Variants in SLC9A9 observed in about 807,000 individuals in gnomAD.
SLC9A9 encodes sodium/hydrogen exchanger 9.
A neutral mutation model predicts 77.8 loss-of-function variants in SLC9A9; 62 were observed. That is an observed-to-expected ratio of 0.80 (90% confidence interval 0.65 to 0.98). SLC9A9 has a LOEUF of 0.98. Among genes scored for constraint, SLC9A9 ranks in the 50% least tolerant of loss-of-function variants. SLC9A9 has a pLI of 0.00. For synonymous variants in SLC9A9, 320 were observed against 283.5 expected (o/e 1.13, Z -1.29); for missense variants, 775 against 774.9 (o/e 1.00, Z 0.00).
Position 143,415,302 on chromosome 3 carries a change from G to A in SLC9A9, c.1470-33188C>T, listed in dbSNP as rs116640655. On this transcript the variant is annotated intron_variant, in intron 12 of 15. Transcript: ENST00000316549. ...AACAGATTGTCAATGTAGACAAAAC[G>A]GTCTTACGTTGGAAAAAGATGCCAT... Among the ~76,000 whole-genome samples, 532 of 152,288 alleles carry A rather than the reference G, an allele frequency of 3.5e-3. 5 individuals carry two copies. The highest frequency in any genetic ancestry group is 0.012 in the African/African-American group (502 of 41,562).
In SLC9A9 at chr3:143,801,331, A is replaced by G. The variant is rs538079251; in HGVS notation, c.379-4428T>C. Among the ~76,000 whole-genome samples the G allele has an allele frequency of 7.9e-5, 12 of 152,300 alleles. No individual in the cohort carries two copies. The East Asian group carries it at 1.5e-3, about 20-fold the overall frequency. ...CCATGCAGCGGCTGCCACTGCCCTA[A>G]TACTTTTAGAGGCCCTTAAAATCAC... On this transcript the variant is annotated intron_variant, in intron 2 of 15. Coordinates refer to ENST00000316549, the MANE Select transcript of SLC9A9 (RefSeq NM_173653.4).
intron 5 of SLC9A9, among the ~76,000 whole-genome samples, chr3:143,692,366 A>G (rs1228204313): frequency 1.3e-5 from 2 of 152,162 alleles, no homozygotes; most frequent in African/African-American, 4.8e-5. Context: ...AATATTAAAG[A>G]ATGATTGTTT....
intron 5 of SLC9A9, among the ~76,000 whole-genome samples, chr3:143,689,119 CA>C (rs144398181): frequency 0.045 from 6,774 of 152,048 alleles, 198 homozygotes; most frequent in East Asian, 0.11. Flanking sequence ...ACTGCATTGA[CA>C]AGACTGTGAA....
At chr3:143,762,601 A>C (rs762782107) in intron 4 of SLC9A9, among the ~76,000 whole-genome samples, 3 of 152,136 alleles carry the variant, frequency 2.0e-5, no homozygotes, top group Non-Finnish European at 4.4e-5. Flanking sequence ...TTTGAGGGAG[A>C]CAGAGGCAAT....
rs563583555 is a variant in SLC9A9, at chr3:143,842,108, C to T, written c.175+6040G>A. The stretch of plus-strand genomic sequence containing the variant: ...AAACATACAGAGTGCAGGCCGGGCG[C>T]GGTGGCTCACGCCTGTAATCCCAGC... On this transcript the variant is annotated intron_variant, in intron 1 of 15. Coordinates refer to ENST00000316549, the MANE Select transcript of SLC9A9 (RefSeq NM_173653.4). Among the ~76,000 whole-genome samples the T allele has an allele frequency of 4.0e-5, 6 of 150,980 alleles. No homozygotes were observed. In the East Asian group the frequency reaches 1.0e-3, roughly 26 times the overall value.
chr3:143,533,624 C>G (rs1373217350), intron 9 of SLC9A9, among the ~76,000 whole-genome samples: 1 of 152,016 alleles, frequency 6.6e-6, no homozygotes, highest in Non-Finnish European at 1.5e-5. Context: ...ATAAAAAAAC[C>G]CTACATCTTT....
chr3:143,797,688 C>T (rs1022144664), intron 2 of SLC9A9, among the ~76,000 whole-genome samples: 1 of 152,072 alleles, frequency 6.6e-6, no homozygotes, highest in Non-Finnish European at 1.5e-5. Context: ...TTGTGAAATT[C>T]CTTCTCCTGG....
chr3:143,738,665 A>C (rs971190313), intron 4 of SLC9A9, among the ~76,000 whole-genome samples: 3 of 152,150 alleles, frequency 2.0e-5, no homozygotes, highest in African/African-American at 7.2e-5. Context: ...GACTGCCTCC[A>C]TTATAGATGC....
At chr3:143,295,611 CT>C (rs1383222792) in intron 14 of SLC9A9, among the ~76,000 whole-genome samples, 2 of 152,190 alleles carry the variant, frequency 1.3e-5, no homozygotes, top group African/African-American at 2.4e-5. Context: ...AAGGTTGCCC[CT>C]ATCACGAACC....
rs1303593768 is a variant in SLC9A9 at position 143,832,010 on chromosome 3, G to T, written c.378+9C>A. Reference sequence around the variant, plus strand: ...AAAACAAATATATAATACCAGACAGGATCCTTACCTTTTCAAGTATAGCAT... The same window carrying T: ...AAAACAAATATATAATACCAGACAGTATCCTTACCTTTTCAAGTATAGCAT... On this transcript the variant is annotated intron_variant, in intron 2 of 15. Coordinates refer to ENST00000316549, the MANE Select transcript of SLC9A9 (RefSeq NM_173653.4). 23 of 1,607,610 alleles carry T rather than the reference G, an allele frequency of 1.4e-5. No homozygotes were observed. Among genetic ancestry groups the T allele is most frequent in the Non-Finnish European group, 1.9e-5 (22 of 1,175,724 alleles).
chr3:143,412,761 C>T (rs550151697), intron 12 of SLC9A9, among the ~76,000 whole-genome samples: 5 of 152,320 alleles, frequency 3.3e-5, no homozygotes, highest in South Asian at 2.1e-4. Context: ...ATTTTCTGTG[C>T]AACCGTCTCC....
chr3:143,352,240 A>G (rs999006136), intron 14 of SLC9A9, among the ~76,000 whole-genome samples: 1 of 152,236 alleles, frequency 6.6e-6, no homozygotes, highest in East Asian at 1.9e-4. Context: ...GGATGTGGGA[A>G]GAAGTGTTTG....
intron 6 of SLC9A9, among the ~76,000 whole-genome samples, chr3:143,622,359 C>A (rs1407654528): frequency 6.6e-6 from 1 of 152,102 alleles, no homozygotes; most frequent in Non-Finnish European, 1.5e-5. Context: ...TAAGGGCAGC[C>A]AGAGAGAAAG....
At chr3:143,723,563 C>A (rs951438782) in intron 4 of SLC9A9, among the ~76,000 whole-genome samples, 10 of 152,148 alleles carry the variant, frequency 6.6e-5, no homozygotes, top group African/African-American at 2.2e-4. Context: ...GGTTGTTTGC[C>A]CTATCGAAAA....
intron 4 of SLC9A9, among the ~76,000 whole-genome samples, chr3:143,719,635 C>T (rs1400260305): frequency 1.3e-5 from 2 of 152,116 alleles, no homozygotes; most frequent in African/African-American, 4.8e-5. Flanking sequence ...ATCTTCAACG[C>T]CTAGGTCAGT....
At chr3:143,482,305 CA>C (rs1336196018) in intron 11 of SLC9A9, among the ~76,000 whole-genome samples, 11 of 152,188 alleles carry the variant, frequency 7.2e-5, no homozygotes, top group Admixed American at 6.5e-5. Flanking sequence ...ACATTAATAG[CA>C]CAGCTTGGCA....
intron 14 of SLC9A9, among the ~76,000 whole-genome samples, chr3:143,292,995 G>C (rs1029736799): frequency 6.6e-6 from 1 of 152,196 alleles, no homozygotes; most frequent in African/African-American, 2.4e-5. Flanking sequence ...TTGGGGCAGG[G>C]CAGTAAGGAG....
chr3:143,290,614 AC>A (rs1356523423), intron 14 of SLC9A9, among the ~76,000 whole-genome samples: 2 of 152,094 alleles, frequency 1.3e-5, no homozygotes, highest in Non-Finnish European at 2.9e-5. Context: ...CCTTGCTAAC[AC>A]CCCCCAAATT....
At chr3:143,783,609 G>A (rs753534434) in intron 4 of SLC9A9, among the ~76,000 whole-genome samples, 1 of 152,100 alleles carries the variant, frequency 6.6e-6, no homozygotes. Flanking sequence ...TAACATGGAT[G>A]AATGTTATAA....
Sources: gnomAD v4.1 joint callset for allele counts (sites outside exome capture counted in the v4.1 genomes callset) on GRCh38, gnomAD v4.1.1 for gene constraint, MANE v1.5 for transcripts, NCBI Gene and HGNC (gene_info 2026-07-23, HGNC 2026-07-21) for gene names.